SUFU: variants seen among roughly 807,000 people sequenced by gnomAD.
The protein encoded by SUFU is SUFU negative regulator of hedgehog signaling, also known as suppressor of fused homolog.
A neutral mutation model predicts 58.9 loss-of-function variants in SUFU; 7 were observed. That is an observed-to-expected ratio of 0.12 (90% confidence interval 0.07 to 0.22). The LOEUF is 0.22. SUFU is among the 10% of genes least tolerant of loss of function. SUFU has a pLI of 1.00. For synonymous variants in SUFU, 232 were observed against 254.8 expected (o/e 0.91, Z 0.85); for missense variants, 451 against 641.3 (o/e 0.70, Z 3.20).
intron 2 of SUFU, among the ~76,000 whole-genome samples, chr10:102,547,717 G>A (rs1490974130): frequency 6.6e-6 from 1 of 152,154 alleles, no homozygotes; most frequent in Non-Finnish European, 1.5e-5. Context: ...AGCTACTTGG[G>A]AGGTTGAGGT....
intron 2 of SUFU, among the ~76,000 whole-genome samples, chr10:102,541,921 G>T (rs1253942968): frequency 2.7e-5 from 3 of 110,414 alleles, no homozygotes; most frequent in Non-Finnish European, 3.5e-5. Context: ...CGCTCTTGTT[G>T]CCCAGGCTGG....
Position 102,629,144 on chromosome 10 carries a change from G to A in SUFU, c.1366-922G>A, listed in dbSNP as rs1021191872. ...GCACTCCAGCCTGGGCAACAAGAGCGAAACTCCGTCTCAAAAGAAAAAGAA... is the reference window on the plus strand; with the variant it reads ...GCACTCCAGCCTGGGCAACAAGAGCAAAACTCCGTCTCAAAAGAAAAAGAA... On this transcript the variant is annotated intron_variant, in intron 11 of 11. Transcript: ENST00000369902. This position sits in a 1 kb window ranked among gnomAD's most constrained non-coding sequence, Gnocchi z 4.7. 6.6e-6 allele frequency among the ~76,000 whole-genome samples: 1 copy of A among 152,032 alleles called. No homozygotes were observed. Among genetic ancestry groups the A allele is most frequent in the African/African-American group, 2.4e-5 (1 of 41,374 alleles).
intron 3 of SUFU, among the ~76,000 whole-genome samples, chr10:102,565,965 T>C (rs1348802857): frequency 2.0e-5 from 3 of 152,210 alleles, no homozygotes; most frequent in African/African-American, 7.2e-5. Flanking sequence ...TGTGGCCCTT[T>C]TGTCTCTAGC....
At chr10:102,600,927 C>G (rs2063510169) in intron 8 of SUFU, among the ~76,000 whole-genome samples, 1 of 152,204 alleles carries the variant, frequency 6.6e-6, no homozygotes, top group African/African-American at 2.4e-5. Flanking sequence ...CTGATCATCC[C>G]CTGGCAGCAG....
At chr10:102,550,180 T>G (rs896584738) in intron 3 of SUFU, 74 bp downstream of exon 3, 2 of 1,602,010 alleles carry the variant, frequency 1.2e-6, no homozygotes, top group Non-Finnish European at 1.7e-6. Context: ...CTAGCAGCTA[T>G]ATTTTGATGT....
intron 4 of SUFU, 60 bp downstream of exon 4, chr10:102,592,784 A>G: frequency 6.3e-7 from 1 of 1,590,578 alleles, no homozygotes. Context: ...TGGGAGGACA[A>G]GGAGGCTTGA....
intron 6 of SUFU, 114 bp downstream of exon 6, chr10:102,594,179 T>C: frequency 9.5e-7 from 1 of 1,052,946 alleles, no homozygotes; most frequent in Non-Finnish European, 1.5e-6. Context: ...TGAGTAGAAA[T>C]ATGGCATCAC....
Position 102,619,012 on chromosome 10 carries a change from G to A in SUFU, c.1296+1584G>A. 1 of 1,594,340 alleles carries A rather than the reference G, an allele frequency of 6.3e-7. No individual in the cohort carries two copies. The highest frequency in any genetic ancestry group is 1.7e-5 in the Admixed American group (1 of 59,498). ...AAGCACGTTTTCCTGGGACAGTCGG[G>A]ACTGGGGCCTCCCCAAACTGCAGAA... On this transcript the variant is annotated intron_variant, in intron 10 of 11. Transcript: ENST00000369902. This position sits in a 1 kb window ranked among gnomAD's most constrained non-coding sequence, Gnocchi z 4.2.
rs116271718 is a variant in SUFU, at chr10:102,516,421, A to G, written c.317+7118A>G. ...CAGATGTCTGTGGGTGCATGGCTTC[A>G]TCCTTTATAAAGCATTTCATTTGCA... On this transcript the variant is annotated intron_variant, in intron 2 of 11. Coordinates refer to ENST00000369902, the MANE Select transcript of SUFU (RefSeq NM_016169.4). 5.4e-3 allele frequency among the ~76,000 whole-genome samples: 817 copies of G among 152,206 alleles called. 5 individuals carry two copies. Among genetic ancestry groups the G allele is most frequent in the African/African-American group, 0.019 (780 of 41,528 alleles).
chr10:102,610,803 G>A (rs1484994999), intron 8 of SUFU, among the ~76,000 whole-genome samples: 1 of 152,214 alleles, frequency 6.6e-6, no homozygotes, highest in Admixed American at 6.5e-5. Flanking sequence ...ACACTAGCCA[G>A]ATAGCGCAGA....
Position 102,619,228 on chromosome 10 carries a change from ACCCAACCCCAATTC to A in SUFU, c.1296+1806_1296+1819del, listed in dbSNP as rs2063719015. On this transcript the variant is annotated intron_variant, in intron 10 of 11. Coordinates refer to ENST00000369902, the MANE Select transcript of SUFU (RefSeq NM_016169.4). The surrounding 1 kb of genome is among the most constrained non-coding windows in gnomAD (Gnocchi z 4.2). ...CCTCAGTCCCCTGAATGCCCTTCGGACCCAACCCCAATTCCCCAAGCCCCTGACCCCCTAGCTGC... is the reference window on the plus strand; with the variant it reads ...CCTCAGTCCCCTGAATGCCCTTCGGACCCAAGCCCCTGACCCCCTAGCTGC... 6.5e-7 allele frequency: 1 copy of A among 1,529,148 alleles called. No homozygotes were observed. The highest frequency in any genetic ancestry group is 1.2e-5 in the South Asian group (1 of 82,622). 94.7% of individuals were successfully genotyped at this position (1,529,148 alleles called of 1,614,324 possible). A position where few individuals can be genotyped will look rare whatever the true frequency, so the allele number is the denominator to read the frequency against.
At chr10:102,526,321 G>A (rs562178040) in intron 2 of SUFU, among the ~76,000 whole-genome samples, 27 of 152,010 alleles carry the variant, frequency 1.8e-4, no homozygotes, top group South Asian at 8.3e-4. Flanking sequence ...GGGAGGCCAC[G>A]GGGGGGTGGA....
In SUFU at chr10:102,619,538, T is replaced by G. The variant is rs2063722406; in HGVS notation, c.1296+2110T>G. The G allele has an allele frequency of 1.8e-6, 2 of 1,088,210 alleles. No individual in the cohort carries two copies. Among genetic ancestry groups the G allele is most frequent in the Admixed American group, 9.5e-5 (2 of 21,088 alleles). The allele number at this position is 1,088,210 out of a possible 1,614,324, so 67.4% of individuals were successfully genotyped here. A position where few individuals can be genotyped will look rare whatever the true frequency, so the allele number is the denominator to read the frequency against. On this transcript the variant is annotated intron_variant, in intron 10 of 11. Coordinates refer to ENST00000369902, the MANE Select transcript of SUFU (RefSeq NM_016169.4). The surrounding 1 kb of genome is among the most constrained non-coding windows in gnomAD (Gnocchi z 4.2). ...CTCACAGGAGAGCTCCTGGGAAGGC[T>G]GGCGGAGGCCCCACACCCCAAGCAC...
At chr10:102,598,045 G>T (rs148065187) in intron 7 of SUFU, among the ~76,000 whole-genome samples, 1 of 152,324 alleles carries the variant, frequency 6.6e-6, no homozygotes, top group East Asian at 1.9e-4. Flanking sequence ...TGAAGAATAA[G>T]ATGTCTACAG....
intron 3 of SUFU, among the ~76,000 whole-genome samples, chr10:102,552,339 A>G (rs897584527): frequency 4.6e-5 from 7 of 152,034 alleles, no homozygotes; most frequent in Non-Finnish European, 1.0e-4. Flanking sequence ...AGGCTGAGGT[A>G]GGAGGACCAT....
chr10:102,542,822 G>A (rs2062817683), intron 2 of SUFU, among the ~76,000 whole-genome samples: 1 of 151,804 alleles, frequency 6.6e-6, no homozygotes, highest in Non-Finnish European at 1.5e-5. Flanking sequence ...GCAAGGCTTC[G>A]CCATGTTGCC....
Position 102,578,263 on chromosome 10 carries a change from C to CA in SUFU, c.455-14314dup, listed in dbSNP as rs2063235202. On this transcript the variant is annotated intron_variant, in intron 3 of 11. Transcript: ENST00000369902. The stretch of plus-strand genomic sequence containing the variant: ...CGAGACTCCGTCTCAAAAAAAAAAA[C>CA]AAAAACAAAAAACAAAGAACAAAGA... Among the ~76,000 whole-genome samples, 3 of 146,992 alleles carry CA rather than the reference C, an allele frequency of 2.0e-5. No individual in the cohort carries two copies. In the South Asian group the frequency reaches 6.6e-4, roughly 32 times the overall value.
chr10:102,523,056 GC>G (rs1273338054), intron 2 of SUFU, among the ~76,000 whole-genome samples: 10 of 152,174 alleles, frequency 6.6e-5, no homozygotes, highest in Non-Finnish European at 1.3e-4. Context: ...ATGTGACCAG[GC>G]CTGAGTTTGA....
chr10:102,513,060 C>T (rs1321498611), intron 2 of SUFU, among the ~76,000 whole-genome samples: 5 of 151,806 alleles, frequency 3.3e-5, no homozygotes. Flanking sequence ...AGAGCGAGAC[C>T]CTATCTCAAA....
Sources: allele counts gnomAD v4.1 joint callset (sites outside exome capture counted in the v4.1 genomes callset), GRCh38; gene constraint gnomAD v4.1.1; non-coding constraint Gnocchi (gnomAD v3.1); transcripts MANE v1.5; gene names NCBI Gene and HGNC (gene_info 2026-07-23, HGNC 2026-07-21).